Variants in SNTG1 observed in about 807,000 individuals in gnomAD.
The protein encoded by SNTG1 is syntrophin gamma 1.
In SNTG1, 39 loss-of-function variants were observed where a neutral mutation model predicts 74.7. That is an observed-to-expected ratio of 0.52 (90% CI 0.40 to 0.68). SNTG1 has a LOEUF of 0.68. SNTG1 is among the 30% of genes least tolerant of loss of function. The probability of loss-of-function intolerance (pLI) is 0.00; values close to 1 mark genes in which losing one functional copy is unlikely to be tolerated. For missense variants in SNTG1, 685 were observed against 609.5 expected, an observed-to-expected ratio of 1.12 and a Z score of -1.30; for synonymous variants, 254 against 217.1, an observed-to-expected ratio of 1.17 and a Z score of -1.49.
intron 9 of SNTG1, among the ~76,000 whole-genome samples, chr8:50,504,305 T>C (rs1464899008): frequency 6.6e-6 from 1 of 152,220 alleles, no homozygotes; most frequent in East Asian, 1.9e-4. Flanking sequence ...GCAATGAACA[T>C]ACACATGCAT....
At chr8:50,203,236 C>G (rs1453294171) in intron 2 of SNTG1, among the ~76,000 whole-genome samples, 1 of 152,112 alleles carries the variant, frequency 6.6e-6, no homozygotes, top group Non-Finnish European at 1.5e-5. Context: ...CTAGCATTTT[C>G]CTTGAATTTT....
chr8:50,216,918 A>C (rs775543093), intron 2 of SNTG1, among the ~76,000 whole-genome samples: 5 of 152,072 alleles, frequency 3.3e-5, no homozygotes, highest in Admixed American at 2.0e-4. Flanking sequence ...ACTAGTCAAC[A>C]TACCAGATAG....
At chr8:50,678,143 T>C (rs976302530) in intron 15 of SNTG1, among the ~76,000 whole-genome samples, 2 of 151,762 alleles carry the variant, frequency 1.3e-5, no homozygotes, top group African/African-American at 4.9e-5. Context: ...ATAATAATAA[T>C]AGTGTTCTTG....
chr8:50,681,809 A>G (rs970385578), intron 15 of SNTG1, among the ~76,000 whole-genome samples: 1 of 152,218 alleles, frequency 6.6e-6, no homozygotes, highest in African/African-American at 2.4e-5. Flanking sequence ...TGCATTTCAA[A>G]CAAATACTTT....
intron 1 of SNTG1, among the ~76,000 whole-genome samples, chr8:49,943,642 T>A (rs1808897240): frequency 6.6e-6 from 1 of 152,234 alleles, no homozygotes; most frequent in East Asian, 1.9e-4. Context: ...GGCCCTATAA[T>A]CCATGCATTT....
rs75703149 is a variant in SNTG1, at chr8:50,283,868, T to A, written c.-27-110344T>A. 5.9e-3 allele frequency among the ~76,000 whole-genome samples: 903 copies of A among 152,284 alleles called. 9 individuals carry two copies. The highest frequency in any genetic ancestry group is 0.02 in the African/African-American group (851 of 41,578). The stretch of plus-strand genomic sequence containing the variant: ...TTCAGATTTGTGGAAAAACTTAAAA[T>A]ATATTATGGAGAATTTCTAAATGCC... On this transcript the variant is annotated intron_variant, in intron 2 of 18. Coordinates refer to ENST00000642720, the MANE Select transcript of SNTG1 (RefSeq NM_018967.5).
At chr8:50,667,132 A>T (rs1188468581) in intron 15 of SNTG1, among the ~76,000 whole-genome samples, 1 of 152,092 alleles carries the variant, frequency 6.6e-6, no homozygotes, top group Non-Finnish European at 1.5e-5. Context: ...ATAATACATG[A>T]TATAAGAGTA....
rs2094575928 is a variant in SNTG1 at position 50,576,210 on chromosome 8, T to G, written c.811-14669T>G. ...TGATTTTGCATATGAATTTCCAGTT[T>G]TCTTAGAATCATTAGTTAATACGAC... On this transcript the variant is annotated intron_variant, in intron 12 of 18. Transcript: ENST00000642720. Among the ~76,000 whole-genome samples, 5 of 152,318 alleles carry G rather than the reference T, an allele frequency of 3.3e-5. 1 individual carries two copies. The South Asian group carries it at 1.0e-3, about 32-fold the overall frequency.
chr8:50,362,549 T>G (rs2091989316), intron 2 of SNTG1, among the ~76,000 whole-genome samples: 1 of 152,112 alleles, frequency 6.6e-6, no homozygotes, highest in African/African-American at 2.4e-5. Flanking sequence ...TAGGAATGAT[T>G]TAGCACTCTA....
At chr8:50,268,690 T>G (rs1157624842) in intron 2 of SNTG1, among the ~76,000 whole-genome samples, 1 of 151,584 alleles carries the variant, frequency 6.6e-6, no homozygotes, top group African/African-American at 2.4e-5. Context: ...AGAGGCTCCC[T>G]CTGTTGCCCA....
At chr8:50,319,520 T>A (rs1292849875) in intron 2 of SNTG1, among the ~76,000 whole-genome samples, 1 of 152,212 alleles carries the variant, frequency 6.6e-6, no homozygotes, top group African/African-American at 2.4e-5. Flanking sequence ...CAAACAAGGA[T>A]AATTAGACAT....
intron 1 of SNTG1, among the ~76,000 whole-genome samples, chr8:49,967,887 A>G (rs1339850755): frequency 6.6e-6 from 1 of 152,176 alleles, no homozygotes; most frequent in Non-Finnish European, 1.5e-5. Context: ...ATGATTATCA[A>G]ATTAATCTGG....
chr8:50,510,030 A>T (rs901799037), intron 9 of SNTG1, among the ~76,000 whole-genome samples: 2 of 152,208 alleles, frequency 1.3e-5, no homozygotes, highest in African/African-American at 2.4e-5. Context: ...TTGCTCATTC[A>T]GTAGACTATT....
rs566348173 is a variant in SNTG1, at chr8:50,120,683, C to T, written c.-102-51878C>T. On this transcript the variant is annotated intron_variant, in intron 1 of 18. Coordinates refer to ENST00000642720, the MANE Select transcript of SNTG1 (RefSeq NM_018967.5). Reference sequence around the variant, plus strand: ...CTATTACCGCTGTTATCACCACCAACGCTACTAATAGTATTGCAATGAGGT... The same window carrying T: ...CTATTACCGCTGTTATCACCACCAATGCTACTAATAGTATTGCAATGAGGT... Among the ~76,000 whole-genome samples the T allele has an allele frequency of 1.1e-4, 16 of 142,448 alleles. 5 individuals are homozygous for T. The highest frequency in any genetic ancestry group is 3.3e-4 in the African/African-American group (13 of 39,472). 93.5% of individuals were successfully genotyped at this position (142,448 alleles called of 152,430 possible).
intron 1 of SNTG1, among the ~76,000 whole-genome samples, chr8:49,942,153 A>G (rs1343320778): frequency 6.6e-6 from 1 of 152,202 alleles, no homozygotes; most frequent in African/African-American, 2.4e-5. Flanking sequence ...AACCTTGCCC[A>G]CAAAATCTGA....
chr8:50,107,875 C>A (rs1018074926), intron 1 of SNTG1, among the ~76,000 whole-genome samples: 1 of 151,914 alleles, frequency 6.6e-6, no homozygotes, highest in Non-Finnish European at 1.5e-5. Flanking sequence ...TTAACAAGAG[C>A]GAATCACTAA....
In SNTG1 at chr8:50,150,684, G is replaced by A. The variant is rs577341933; in HGVS notation, c.-102-21877G>A. On this transcript the variant is annotated intron_variant, in intron 1 of 18. Transcript: ENST00000642720. Reference sequence around the variant, plus strand: ...TTTTTGTCTTTGGTTCTGTTTATATGATGGATTACATTTATTGATTTGTGT... The same window carrying A: ...TTTTTGTCTTTGGTTCTGTTTATATAATGGATTACATTTATTGATTTGTGT... 1.3e-5 allele frequency among the ~76,000 whole-genome samples: 2 copies of A among 152,282 alleles called. 1 individual carries two copies. The highest frequency in any genetic ancestry group is 4.1e-4 in the South Asian group (2 of 4,830).
At chr8:50,356,372 G>C (rs1450757198) in intron 2 of SNTG1, among the ~76,000 whole-genome samples, 1 of 152,084 alleles carries the variant, frequency 6.6e-6, no homozygotes, top group Non-Finnish European at 1.5e-5. Context: ...CAGAACCAGG[G>C]ATTTAGGGCC....
At chr8:50,163,463 G>T (rs1351979704) in intron 1 of SNTG1, 1 of 148,648 alleles carries the variant, frequency 6.7e-6, no homozygotes, top group African/African-American at 2.5e-5. Context: ...TTTCTCTTCA[G>T]GAATTTTCTT....
Sources: gnomAD v4.1 joint callset for allele counts (sites outside exome capture counted in the v4.1 genomes callset) on GRCh38, gnomAD v4.1.1 for gene constraint, MANE v1.5 for transcripts, NCBI Gene and HGNC (gene_info 2026-07-23, HGNC 2026-07-21) for gene names.